ZNF519: variants seen among roughly 807,000 people sequenced by gnomAD.
ZNF519 encodes zinc finger protein 519.
ZNF519 carries 7 observed loss-of-function variants against 7.4 expected under a neutral mutation model. That is an observed-to-expected ratio of 0.94 (90% CI 0.54 to 1.77). The LOEUF (loss-of-function observed/expected upper bound fraction) is 1.77, where lower values mean the gene tolerates loss of function less well. ZNF519 is among the 40% of genes most tolerant of loss of function. The pLI is 0.00. For synonymous variants in ZNF519, 179 were observed against 203.3 expected, an observed-to-expected ratio of 0.88 and a Z score of 1.02; for missense variants, 586 against 623.1, an observed-to-expected ratio of 0.94 and a Z score of 0.63.
intron 2 of ZNF519, among the ~76,000 whole-genome samples, chr18:14,113,836 G>A (rs28874066): frequency 0.016 from 2,375 of 151,346 alleles, 65 homozygotes; most frequent in African/African-American, 0.055. Flanking sequence ...AACAGCCATT[G>A]TAACTGGGAT....
chr18:14,126,041 C>G (rs536935149), intron 1 of ZNF519, among the ~76,000 whole-genome samples: 1 of 152,234 alleles, frequency 6.6e-6, no homozygotes, highest in South Asian at 2.1e-4. Flanking sequence ...CCCCTTTTAT[C>G]TCCTTTTGGG....
intron 3 of ZNF519, among the ~76,000 whole-genome samples, chr18:14,081,125 C>T (rs1032255848): frequency 3.2e-4 from 48 of 151,972 alleles, no homozygotes; most frequent in African/African-American, 1.1e-3. Flanking sequence ...CAGAATGTAC[C>T]ATTTCAAAAG....
downstream of ZNF519, among the ~76,000 whole-genome samples, chr18:14,098,010 G>A (rs1244527732): frequency 1.3e-5 from 2 of 151,982 alleles, no homozygotes; most frequent in African/African-American, 4.8e-5. Flanking sequence ...AGGCCCCAGA[G>A]CTCTCATCAT....
At chr18:14,113,831 C>G (rs781621118) in intron 2 of ZNF519, among the ~76,000 whole-genome samples, 48 of 151,614 alleles carry the variant, frequency 3.2e-4, no homozygotes, top group Non-Finnish European at 5.3e-4. Context: ...TGGAGAACAG[C>G]CATTGTAACT....
rs535811065 is a variant in ZNF519, at chr18:14,114,611, T to C, written c.131-8202A>G. 6.6e-5 allele frequency among the ~76,000 whole-genome samples: 10 copies of C among 152,240 alleles called. 1 individual carries two copies. The South Asian group carries it at 2.1e-3, about 32-fold the overall frequency. ...TGCTGGAGCTAAAAATTAAATTAAT[T>C]CAGTTCATGGAGGGAGAGAGCAGAA... On this transcript the variant is annotated intron_variant, in intron 2 of 2. Coordinates refer to ENST00000590202, the MANE Select transcript of ZNF519 (RefSeq NM_145287.4).
chr18:14,075,191 A>G (rs1044488480), downstream of ZNF519: 1 of 152,200 alleles, frequency 6.6e-6, no homozygotes, highest in Non-Finnish European at 1.5e-5. Context: ...CCCACAACAC[A>G]TAGGAATTCA....
At chr18:14,130,922 C>T (rs932653676) in intron 1 of ZNF519, among the ~76,000 whole-genome samples, 1 of 151,940 alleles carries the variant, frequency 6.6e-6, no homozygotes, top group African/African-American at 2.4e-5. Flanking sequence ...ATTTCTCTCA[C>T]CCCCAGGGCA....
At chr18:14,109,332 A>G (rs191507637) in intron 2 of ZNF519, among the ~76,000 whole-genome samples, 2 of 152,242 alleles carry the variant, frequency 1.3e-5, no homozygotes, top group Non-Finnish European at 2.9e-5. Flanking sequence ...ACGAAGAAAT[A>G]TCAGGCCTAA....
rs1257097651 is a variant in ZNF519 at position 14,105,257 on chromosome 18, C to A, written c.1283G>T (p.Gly428Val). The change falls in exon 3 of 3, where the codon GGA becomes GTA. Residue 428 changes from glycine (G) to valine (V), a missense_variant. Transcript: ENST00000590202. Reference sequence around the variant, plus strand: ...TTCTTTACATTTGAAGTGTTTCTCTCCAGTATGGATTCTCTGATGTTGAGT... The same window carrying A: ...TTCTTTACATTTGAAGTGTTTCTCTACAGTATGGATTCTCTGATGTTGAGT... ...HLTQHQRIHT[G>V]EKHFKCKECG... is the part of the protein sequence containing the mutation. 2.5e-6 allele frequency: 4 copies of A among 1,613,226 alleles called. No homozygotes were observed. Among genetic ancestry groups the A allele is most frequent in the South Asian group, 2.2e-5 (2 of 91,046 alleles).
intron 4 of ZNF519, among the ~76,000 whole-genome samples, chr18:14,077,708 G>A (rs558425312): frequency 1.3e-5 from 2 of 152,272 alleles, no homozygotes; most frequent in South Asian, 4.1e-4. Flanking sequence ...TGTAGATGGA[G>A]CAGGAAATGC....
intron 2 of ZNF519, among the ~76,000 whole-genome samples, chr18:14,114,008 G>A (rs1383380605): frequency 6.6e-6 from 1 of 152,082 alleles, no homozygotes; most frequent in Non-Finnish European, 1.5e-5. Context: ...CTATAGAGTT[G>A]TTTGTGTGCC....
chr18:14,088,560 C>G (rs1233605990), intron 2 of ZNF519, among the ~76,000 whole-genome samples: 1 of 152,106 alleles, frequency 6.6e-6, no homozygotes, highest in African/African-American at 2.4e-5. Context: ...TTCAAAATTC[C>G]TTAAATTTCA....
Position 14,114,321 on chromosome 18 carries a change from A to T in ZNF519, c.131-7912T>A, listed in dbSNP as rs530371702. Among the ~76,000 whole-genome samples the T allele has an allele frequency of 5.3e-5, 8 of 152,260 alleles. No homozygotes were observed. The South Asian group carries it at 1.7e-3, about 32-fold the overall frequency. ...TTTTGATTTAACTTTTTAATACAGC[A>T]AGAGATAGGGGTCTAGTTTCATTCT... On this transcript the variant is annotated intron_variant, in intron 2 of 2. Transcript: ENST00000590202.
At chr18:14,124,260 C>T (rs1031353333) in intron 2 of ZNF519, 90 bp downstream of exon 2, 1 of 1,214,702 alleles carries the variant, frequency 8.2e-7, no homozygotes, top group Non-Finnish European at 1.1e-6. Flanking sequence ...TTAATTCATG[C>T]AAAGCAGAAG....
chr18:14,111,506 CAAAAAAAAGAAAAAAA>C (rs1382612362), intron 2 of ZNF519, among the ~76,000 whole-genome samples: 2 of 45,720 alleles, frequency 4.4e-5, no homozygotes, highest in African/African-American at 7.6e-5. Flanking sequence ...GACTCCTACT[CAAAAAAAAGAAAAAAA>C]AAAAAAAAGA....
chr18:14,095,615 C>T (rs1202226186), downstream of ZNF519, among the ~76,000 whole-genome samples: 2 of 152,172 alleles, frequency 1.3e-5, no homozygotes, highest in East Asian at 1.9e-4. Context: ...ACCAGAGCTG[C>T]GGGTCTCCAC....
downstream of ZNF519, chr18:14,071,437 A>G (rs1462601642): frequency 1.3e-5 from 2 of 152,160 alleles, no homozygotes; most frequent in Non-Finnish European, 2.9e-5. Flanking sequence ...AAATTTAAAC[A>G]ATAGTGAACT....
chr18:14,121,398 T>C (rs978418977), intron 2 of ZNF519, among the ~76,000 whole-genome samples: 2 of 152,148 alleles, frequency 1.3e-5, no homozygotes, highest in African/African-American at 4.8e-5. Flanking sequence ...GTTCATCAAC[T>C]TGACTATATT....
intron 2 of ZNF519, chr18:14,123,290 A>C (rs2046279121): frequency 6.4e-6 from 1 of 155,480 alleles, no homozygotes; most frequent in Admixed American, 6.5e-5. Context: ...GTACTATGCT[A>C]AGCAGAAAAG....
Sources: gnomAD v4.1 joint callset for allele counts (sites outside exome capture counted in the v4.1 genomes callset) on GRCh38, gnomAD v4.1.1 for gene constraint, MANE v1.5 for transcripts, NCBI Gene and HGNC (gene_info 2026-07-23, HGNC 2026-07-21) for gene names.